GNG7: variants seen among roughly 807,000 people sequenced by gnomAD.
The protein encoded by GNG7 is G protein subunit gamma 7, also known as guanine nucleotide-binding protein G(I)/G(S)/G(O) subunit gamma-7.
Under a neutral mutation model 4.0 loss-of-function variants are expected in GNG7, and 1 was observed. The ratio of observed to expected loss-of-function variants is 0.25; its 90% CI spans 0.09 to 1.18. The LOEUF (loss-of-function observed/expected upper bound fraction) is 1.18. Ranked by LOEUF, GNG7 falls within the 50% of genes most tolerant of loss-of-function variation. The probability of loss-of-function intolerance (pLI) is 0.50; values close to 1 mark genes in which losing one functional copy is unlikely to be tolerated. For synonymous variants in GNG7, 34 were observed against 36.9 expected, an observed-to-expected ratio of 0.92 and a Z score of 0.29; for missense variants, 86 against 91.9, an observed-to-expected ratio of 0.94 and a Z score of 0.26.
chr19:2,598,052 G>T (rs1568257551), intron 2 of GNG7, among the ~76,000 whole-genome samples: 1 of 152,122 alleles, frequency 6.6e-6, no homozygotes, highest in Non-Finnish European at 1.5e-5. Context: ...CAATGACCAG[G>T]ACAACTGTGT....
intron 3 of GNG7, among the ~76,000 whole-genome samples, chr19:2,540,064 TCCTCCCTCC>T (rs1978906912): frequency 1.2e-5 from 1 of 85,380 alleles, no homozygotes; most frequent in Non-Finnish European, 2.2e-5. Context: ...CTTCCTTCCC[TCCTCCCTCC>T]CTCTCTCTCT....
At chr19:2,683,368 G>C (rs1983791281) in intron 1 of GNG7, 1 of 151,890 alleles carries the variant, frequency 6.6e-6, no homozygotes, top group Admixed American at 6.6e-5. Flanking sequence ...TGGGATTACA[G>C]GTGTGAGCCA....
chr19:2,639,611 A>T, intron 2 of GNG7, among the ~76,000 whole-genome samples: 1 of 9,886 alleles, frequency 1.0e-4, no homozygotes. Flanking sequence ...AGAGCTCAGC[A>T]GCACATCCAC....
chr19:2,600,729 A>C (rs962449872), intron 2 of GNG7, among the ~76,000 whole-genome samples: 1 of 151,078 alleles, frequency 6.6e-6, no homozygotes, highest in African/African-American at 2.4e-5. Flanking sequence ...ACCCACCTTG[A>C]CCTCTCAAAG....
intron 1 of GNG7, among the ~76,000 whole-genome samples, chr19:2,670,319 G>T (rs1192744454): frequency 6.6e-6 from 1 of 152,194 alleles, no homozygotes; most frequent in Non-Finnish European, 1.5e-5. Context: ...TGTCGGGGGA[G>T]CAGAGACTGG....
chr19:2,652,293 G>A (rs1050230307), intron 1 of GNG7, among the ~76,000 whole-genome samples: 13 of 151,982 alleles, frequency 8.6e-5, no homozygotes, highest in Admixed American at 3.3e-4. Flanking sequence ...GTAATCCCAC[G>A]TATTGTGGAG....
At chr19:2,620,138 A>G (rs1338903138) in intron 2 of GNG7, among the ~76,000 whole-genome samples, 2 of 150,256 alleles carry the variant, frequency 1.3e-5, no homozygotes, top group African/African-American at 4.9e-5. Context: ...TAGAGGTTGC[A>G]GGTTGCAGTG....
chr19:2,650,672 G>A (rs1452475866), intron 1 of GNG7, among the ~76,000 whole-genome samples: 3 of 152,206 alleles, frequency 2.0e-5, no homozygotes, highest in Admixed American at 6.5e-5. Flanking sequence ...CGAGCACAGC[G>A]TGGGTGAAGC....
chr19:2,647,213 C>CATGG lies in GNG7; in HGVS notation c.-134-937_-134-934dup, dbSNP rs200857862. ...CTCCCTCTGGAGCCTGGAATCCTGG[C>CATGG]ATGGGTCAGGCAGCAGGGGCAGCAG... On this transcript the variant is annotated intron_variant, in intron 1 of 4. Coordinates refer to ENST00000382159, the MANE Select transcript of GNG7 (RefSeq NM_052847.3). Among the ~76,000 whole-genome samples, 995 of 151,686 alleles carry CATGG rather than the reference C, an allele frequency of 6.6e-3. 3 individuals carry two copies. The highest frequency in any genetic ancestry group is 8.5e-3 in the Non-Finnish European group (577 of 68,024).
intron 1 of GNG7, among the ~76,000 whole-genome samples, chr19:2,665,579 C>T (rs115958208): frequency 3.3e-5 from 5 of 152,304 alleles, no homozygotes; most frequent in Non-Finnish European, 5.9e-5. Flanking sequence ...TGGGGACGTA[C>T]GCTCTGGTAT....
intron 2 of GNG7, among the ~76,000 whole-genome samples, chr19:2,572,173 C>T (rs1980168509): frequency 1.3e-5 from 2 of 151,938 alleles, no homozygotes. Flanking sequence ...AGGGGCACAC[C>T]ACAACACCAG....
chr19:2,585,872 T>C (rs553803634), intron 2 of GNG7, among the ~76,000 whole-genome samples: 19 of 152,260 alleles, frequency 1.2e-4, no homozygotes, highest in African/African-American at 4.3e-4. Context: ...GGCTATTTTT[T>C]TGTATTTTTA....
chr19:2,672,988 G>C (rs1983494664), intron 1 of GNG7, among the ~76,000 whole-genome samples: 1 of 151,994 alleles, frequency 6.6e-6, no homozygotes, highest in African/African-American at 2.4e-5. Context: ...CGGGTGCGGT[G>C]GTTCATGCCT....
chr19:2,691,207 G>A (rs746177995), intron 1 of GNG7, among the ~76,000 whole-genome samples: 13 of 152,120 alleles, frequency 8.5e-5, no homozygotes, highest in Non-Finnish European at 1.3e-4. Flanking sequence ...AAACCCAACT[G>A]TATCTTTGTA....
intron 2 of GNG7, among the ~76,000 whole-genome samples, chr19:2,588,340 G>C (rs1980737362): frequency 6.6e-6 from 1 of 152,194 alleles, no homozygotes; most frequent in African/African-American, 2.4e-5. Flanking sequence ...CAACCCGAAA[G>C]ACATCAGATT....
intron 2 of GNG7, among the ~76,000 whole-genome samples, chr19:2,568,461 C>T (rs111067220): frequency 6.6e-6 from 1 of 151,022 alleles, no homozygotes; most frequent in African/African-American, 2.4e-5. Context: ...TATACATACA[C>T]ACACACATGC....
At chr19:2,696,243 G>GAAAAAGA (rs1350197171) in intron 1 of GNG7, among the ~76,000 whole-genome samples, 2 of 134,976 alleles carry the variant, frequency 1.5e-5, no homozygotes, top group Admixed American at 8.0e-5. Context: ...GAGAGAGAAA[G>GAAAAAGA]AAAAAGAAAA....
chr19:2,540,929 G>C (rs1018268708), intron 3 of GNG7, among the ~76,000 whole-genome samples: 1 of 152,354 alleles, frequency 6.6e-6, no homozygotes, highest in South Asian at 2.1e-4. Flanking sequence ...AACCGACCAG[G>C]AGCCGCCGCC....
At chr19:2,548,131 C>G (rs532496745) in intron 3 of GNG7, among the ~76,000 whole-genome samples, 48 of 152,168 alleles carry the variant, frequency 3.2e-4, no homozygotes, top group Non-Finnish European at 5.9e-4. Flanking sequence ...GAGCTTCTCC[C>G]TGAGGGCTAG....
Sources: gnomAD v4.1 joint callset for allele counts (sites outside exome capture counted in the v4.1 genomes callset) on GRCh38, gnomAD v4.1.1 for gene constraint, MANE v1.5 for transcripts, NCBI Gene and HGNC (gene_info 2026-07-23, HGNC 2026-07-21) for gene names.